Variants in INAVA observed in about 807,000 individuals in gnomAD.
INAVA encodes innate immunity activator protein.
Under a neutral mutation model 55.3 loss-of-function variants are expected in INAVA, and 32 were observed. The observed-to-expected ratio is 0.58, with a 90% CI of 0.44 to 0.78. INAVA has a LOEUF of 0.78. Ranked by LOEUF, INAVA falls within the 30% of genes least tolerant of loss-of-function variation. The pLI, the probability that INAVA is intolerant of heterozygous loss-of-function variation, is 0.00. For synonymous variants in INAVA, 294 were observed against 329.4 expected, an observed-to-expected ratio of 0.89 and a Z score of 1.16; for missense variants, 756 against 786.4, an observed-to-expected ratio of 0.96 and a Z score of 0.46.
At chr1:200,898,729 T>C (rs2102302476) in intron 2 of INAVA, among the ~76,000 whole-genome samples, 1 of 152,340 alleles carries the variant, frequency 6.6e-6, no homozygotes, top group South Asian at 2.1e-4. Flanking sequence ...TGTTCAACTT[T>C]AGCCCCAGCT....
At chr1:200,904,192 G>A (rs963102716) in intron 5 of INAVA, among the ~76,000 whole-genome samples, 7 of 151,860 alleles carry the variant, frequency 4.6e-5, no homozygotes, top group South Asian at 4.1e-4. Flanking sequence ...GGGTTTAAGC[G>A]ATTCTCCTGC....
intron 8 of INAVA, 37 bp downstream of exon 8, chr1:200,909,434 C>A (rs755297926): frequency 6.8e-7 from 1 of 1,479,346 alleles, no homozygotes; most frequent in South Asian, 1.4e-5. Flanking sequence ...GGGGGACCCA[C>A]TTAGAGCTTA....
intron 2 of INAVA, 38 bp downstream of exon 2, chr1:200,898,493 G>A: frequency 1.3e-6 from 2 of 1,595,570 alleles, no homozygotes; most frequent in Non-Finnish European, 1.7e-6. Context: ...CTAGTCCCTA[G>A]TCCCTGGTCC....
chr1:200,904,788 A>G (rs1292312277), intron 5 of INAVA, among the ~76,000 whole-genome samples: 8 of 151,152 alleles, frequency 5.3e-5, no homozygotes, highest in Middle Eastern at 3.2e-3. Context: ...GCTGGAGTGC[A>G]GTAGTGTGAT....
intron 1 of INAVA, among the ~76,000 whole-genome samples, chr1:200,896,886 G>T (rs1668364084): frequency 6.6e-6 from 1 of 152,270 alleles, no homozygotes; most frequent in South Asian, 2.1e-4. Context: ...GAGGAGGCAG[G>T]ATAGGCTCCA....
intron 5 of INAVA, among the ~76,000 whole-genome samples, chr1:200,905,881 C>T (rs1309740096): frequency 6.6e-6 from 1 of 151,930 alleles, no homozygotes; most frequent in Admixed American, 6.6e-5. Context: ...GATGCAAGCT[C>T]ACAGGGGAGA....
At chr1:200,899,043 C>G (rs899690122) in intron 2 of INAVA, among the ~76,000 whole-genome samples, 1 of 152,160 alleles carries the variant, frequency 6.6e-6, no homozygotes, top group African/African-American at 2.4e-5. Context: ...ACCTGTGGGC[C>G]TAGTCTGGCC....
intron 9 of INAVA, among the ~76,000 whole-genome samples, chr1:200,912,497 AT>A (rs1653796595): frequency 6.6e-6 from 1 of 152,180 alleles, no homozygotes; most frequent in African/African-American, 2.4e-5. Context: ...TCAGATTTCC[AT>A]TTGAAGGTCT....
chr1:200,891,976 T>C (rs532884624), upstream of INAVA, among the ~76,000 whole-genome samples: 1 of 151,542 alleles, frequency 6.6e-6, no homozygotes, highest in East Asian at 2.0e-4. Context: ...CGGGCCAGCC[T>C]GGATGTGGAG....
rs184382649 is a variant in INAVA, at chr1:200,907,224, T to C, written c.521-610T>C. ...CAGAGGACACCCTTTTTCTTTTTTT[T>C]TGACAGGTGGGGAAACTGAGGTCTA... On this transcript the variant is annotated intron_variant, in intron 5 of 9. Coordinates refer to ENST00000413687, the MANE Select transcript of INAVA (RefSeq NM_001142569.3). Among the ~76,000 whole-genome samples, 327 of 152,322 alleles carry C rather than the reference T, an allele frequency of 2.1e-3. 5 individuals carry two copies. The highest frequency in any genetic ancestry group is 4.9e-4 in the Non-Finnish European group (33 of 68,020).
intron 1 of INAVA, among the ~76,000 whole-genome samples, chr1:200,896,816 C>T (rs544453967): frequency 1.4e-4 from 22 of 152,370 alleles, no homozygotes; most frequent in Admixed American, 1.2e-3. Context: ...ACTTTTCTGT[C>T]GTGTTGGCTG....
At chr1:200,900,315 C>T (rs1424640105) in intron 4 of INAVA, 95 bp downstream of exon 4, 2 of 1,128,250 alleles carry the variant, frequency 1.8e-6, no homozygotes, top group Non-Finnish European at 2.6e-6. Flanking sequence ...AGGTTCCCTT[C>T]CACCCTTTCA....
At position 200,911,569 on chromosome 1, in the gene INAVA, C is replaced by T. The variant is rs933167224; in HGVS notation, c.1076C>T (p.Pro359Leu). Residue 359 changes from proline to leucine, a missense_variant, in exon 9 of 10, where the codon CCG becomes CTG. By Grantham distance (98) the Pro-to-Leu change is moderately conservative (BLOSUM62 -3). This residue lies in a region of INAVA where 639 missense variants were observed against 624.3 expected (regional missense o/e 1.02). Coordinates refer to ENST00000413687, the MANE Select transcript of INAVA (RefSeq NM_001142569.3). ...PDSCFPATKP[P>L]LPHAACHSCS... ...TCCTGCTTTCCCGCGACCAAGCCCC[C>T]GCTGCCCCACGCCGCCTGCCACTCC... 6.8e-6 allele frequency: 11 copies of T among 1,613,648 alleles called. No homozygotes were observed. The highest frequency in any genetic ancestry group is 7.6e-6 in the Non-Finnish European group (9 of 1,179,870).
upstream of INAVA, among the ~76,000 whole-genome samples, chr1:200,894,592 G>A (rs940416555): frequency 1.3e-5 from 2 of 152,146 alleles, no homozygotes; most frequent in Non-Finnish European, 2.9e-5. Context: ...TCTGGAAAGA[G>A]AAACTGAGGT....
At chr1:200,908,996 T>A (rs1336215646) in intron 7 of INAVA, 56 bp downstream of exon 7, 1 of 1,535,032 alleles carries the variant, frequency 6.5e-7, no homozygotes, top group Non-Finnish European at 8.8e-7. Flanking sequence ...CGGTGGGAGC[T>A]ATGCTGGGGA....
At chr1:200,894,750 T>A, upstream of INAVA, 2 of 981,678 alleles carry the variant, frequency 2.0e-6, no homozygotes, top group Non-Finnish European at 2.4e-6. Context: ...GAGCCCCTTT[T>A]TCCCTGCTAC....
At position 200,895,060 on chromosome 1, in the gene INAVA, C is replaced by G. The variant is rs1382299482; in HGVS notation, c.-122C>G. 6 of 985,532 alleles carry G rather than the reference C, an allele frequency of 6.1e-6. No individual in the cohort carries two copies. In the African/African-American group the frequency reaches 8.7e-5, roughly 14 times the overall value. 61.0% of individuals were successfully genotyped at this position (985,532 alleles called of 1,614,324 possible). On this transcript the variant is annotated 5_prime_UTR_variant, in exon 1 of 10. Transcript: ENST00000413687. ...CTGACTGGAAGCAGGGGCTGTTTTT[C>G]AACTCCTGGACTAAAGCCCAGAAGC...
upstream of INAVA, among the ~76,000 whole-genome samples, chr1:200,892,407 A>G (rs1668254738): frequency 6.6e-6 from 1 of 152,096 alleles, no homozygotes; most frequent in Non-Finnish European, 1.5e-5. Flanking sequence ...TAAAAGAAGG[A>G]ACTTTTTTTT....
Position 200,911,677 on chromosome 1 carries a change from TG to T in INAVA, c.1185del (p.Gln396SerfsTer91). ...PGSSSPDISF[L>X]QPLSPPKTHR... ...AGCAGCAGCCCCGACATCTCCTTTC[TG>T]CAGCCTCTCTCCCCTCCCAAGACCC... On this transcript the variant is annotated frameshift_variant, in exon 9 of 10. Transcript: ENST00000413687. LOFTEE classifies it high-confidence loss of function. The T allele has an allele frequency of 6.2e-7, 1 of 1,614,002 alleles. No homozygotes were observed. The highest frequency in any genetic ancestry group is 1.1e-5 in the South Asian group (1 of 91,076).
Sources: allele counts gnomAD v4.1 joint callset (sites outside exome capture counted in the v4.1 genomes callset), GRCh38; gene constraint gnomAD v4.1.1; regional missense constraint gnomAD v4.1.1; transcripts MANE v1.5; gene names NCBI Gene and HGNC (gene_info 2026-07-23, HGNC 2026-07-21).